Variants in BSN observed in about 807,000 individuals in gnomAD.
The protein encoded by BSN is protein bassoon.
A neutral mutation model predicts 264.8 loss-of-function variants in BSN; 57 were observed. That is an observed-to-expected ratio of 0.22 (90% confidence interval 0.17 to 0.27). The LOEUF is 0.27. Among genes scored for constraint, BSN ranks in the 10% least tolerant of loss-of-function variants. BSN has a pLI of 1.00. For synonymous variants in BSN, 2,059 were observed against 2,137.3 expected (o/e 0.96, Z 1.01); for missense variants, 4,615 against 5,232.5 (o/e 0.88, Z 3.64).
At chr3:49,666,425 C>T (rs2052714406) in intron 11 of BSN, among the ~76,000 whole-genome samples, 2 of 152,264 alleles carry the variant, frequency 1.3e-5, no homozygotes, top group Non-Finnish European at 2.9e-5. Flanking sequence ...GGGGATATGG[C>T]AGAGAACAAA....
In BSN at chr3:49,654,600, C is replaced by G; in HGVS notation, c.5044C>G (p.Gln1682Glu). Reference protein sequence around the residue: ...VKPTPIILTDQGMDLTSLAVE... With the variant: ...VKPTPIILTDEGMDLTSLAVE... ...GCCCACTCCCATCATCCTCACTGACCAGGGCATGGACCTCACCTCTCTTGC... is the reference window on the plus strand; with the variant it reads ...GCCCACTCCCATCATCCTCACTGACGAGGGCATGGACCTCACCTCTCTTGC... The change falls in exon 5 of 12, where the codon CAG (glutamine) becomes GAG (glutamate). Residue 1682 changes from glutamine (Q) to glutamate (E), a missense_variant. By Grantham distance (29) the Gln-to-Glu change is conservative. Around this residue, in one of 3 missense-constraint regions of BSN, gnomAD observed 3,415 missense variants for 3,866.4 expected, o/e 0.88. Transcript: ENST00000296452. The surrounding 1 kb of genome is among the most constrained non-coding windows in gnomAD (Gnocchi z 4.1). The G allele has an allele frequency of 6.2e-7, 1 of 1,613,228 alleles. No homozygotes were observed. Among genetic ancestry groups the G allele is most frequent in the Non-Finnish European group, 8.5e-7 (1 of 1,179,470 alleles).
At chr3:49,673,087 C>CTTTTTTTTT (rs71080543), downstream of BSN, among the ~76,000 whole-genome samples, 510 of 43,172 alleles carry the variant, frequency 0.012, 116 homozygotes, top group African/African-American at 0.038. Flanking sequence ...CCGGCCGGGA[C>CTTTTTTTTT]TTTTTTTTTT....
intron 1 of BSN, among the ~76,000 whole-genome samples, chr3:49,616,805 G>A (rs906471171): frequency 5.9e-5 from 9 of 152,154 alleles, no homozygotes; most frequent in African/African-American, 1.9e-4. Flanking sequence ...CGCTGGCCTC[G>A]TGCCTTTCTG....
At chr3:49,658,340 C>A in intron 5 of BSN, 144 bp downstream of exon 5, 1 of 1,012,250 alleles carries the variant, frequency 9.9e-7, no homozygotes, top group Non-Finnish European at 1.4e-6. Flanking sequence ...TGAGCAGATG[C>A]TCCCTGGTGC....
At chr3:49,671,951 C>A (rs550563499), downstream of BSN, among the ~76,000 whole-genome samples, 1 of 150,744 alleles carries the variant, frequency 6.6e-6, no homozygotes, top group South Asian at 2.1e-4. The surrounding 1 kb of genome is among the most constrained non-coding windows in gnomAD (Gnocchi z 4.1). Flanking sequence ...AAACTCTCAC[C>A]GGCTGCCAGA....
intron 1 of BSN, among the ~76,000 whole-genome samples, chr3:49,594,487 G>T: frequency 6.6e-6 from 1 of 152,208 alleles, no homozygotes; most frequent in Non-Finnish European, 1.5e-5. Flanking sequence ...TAGTATAGCT[G>T]TGTGGATGTA....
In BSN at chr3:49,651,649, C is replaced by T; in HGVS notation, c.2093C>T (p.Thr698Ile). 1 of 1,614,140 alleles carries T rather than the reference C, an allele frequency of 6.2e-7. No homozygotes were observed. Among genetic ancestry groups the T allele is most frequent in the Non-Finnish European group, 8.5e-7 (1 of 1,180,032 alleles). The stretch of plus-strand genomic sequence containing the variant: ...ATCTCTAGCTCCCAGAGTGAGATCA[C>T]AGGAGTCGTGCAGCAGGAGGTGGAA... ...DGISSSQSEI[T>I]GVVQQEVEQL... Residue 698 changes from threonine (T) to isoleucine (I), a missense_variant, in exon 5 of 12, where the codon ACA (threonine) becomes ATA (isoleucine). Around this residue, in one of 3 missense-constraint regions of BSN, gnomAD observed 1,197 missense variants for 1,348.0 expected, o/e 0.89. Transcript: ENST00000296452. The surrounding 1 kb of genome is among the most constrained non-coding windows in gnomAD (Gnocchi z 5.4).
chr3:49,554,848 C>G, intron 1 of BSN, 22 bp downstream of exon 1: 1 of 1,204,512 alleles, frequency 8.3e-7, no homozygotes. Context: ...TCTCGGCGCC[C>G]GGGGGGCGGT....
chr3:49,557,671 G>T (rs1027105030), intron 1 of BSN, among the ~76,000 whole-genome samples: 1 of 150,000 alleles, frequency 6.7e-6, no homozygotes, highest in African/African-American at 2.5e-5. Flanking sequence ...TCCACCTTCT[G>T]GGTTCACGCC....
chr3:49,600,734 G>A (rs541472844), intron 1 of BSN, among the ~76,000 whole-genome samples: 7 of 152,116 alleles, frequency 4.6e-5, no homozygotes, highest in Non-Finnish European at 1.0e-4. Flanking sequence ...AGCCAGGGAG[G>A]TCGAGGCTCT....
intron 2 of BSN, chr3:49,641,609 C>T (rs1339486497): frequency 6.6e-6 from 1 of 152,208 alleles, no homozygotes; most frequent in Non-Finnish European, 1.5e-5. Context: ...TACTTAACAT[C>T]AGTCACTTAC....
chr3:49,565,375 C>T (rs1270342291), intron 1 of BSN, among the ~76,000 whole-genome samples: 2 of 140,852 alleles, frequency 1.4e-5, no homozygotes, highest in African/African-American at 5.4e-5. Context: ...GGCTGGAGTG[C>T]AGTGGTGCGA....
At position 49,657,014 on chromosome 3, in the gene BSN, A is replaced by G; in HGVS notation, c.7458A>G (p.Arg2486=). 1 of 1,610,532 alleles carries G rather than the reference A, an allele frequency of 6.2e-7. No homozygotes were observed. Among genetic ancestry groups the G allele is most frequent in the Non-Finnish European group, 8.5e-7 (1 of 1,177,886 alleles). The change falls in exon 5 of 12, where the codon CGA becomes CGG. Residue 2486 remains arginine, a synonymous_variant. Coordinates refer to ENST00000296452, the MANE Select transcript of BSN (RefSeq NM_003458.4). ...CTGCAGCCTGTGAGGCACCTGGCCG[A>G]GGGCCTCCCCTAGCGGCTGCTGAGT... is the stretch of plus-strand genomic sequence containing the variant. ...PFPAACEAPG[R]GPPLAAAELA...
chr3:49,597,731 C>T (rs968465677), intron 1 of BSN, among the ~76,000 whole-genome samples: 4 of 152,146 alleles, frequency 2.6e-5, no homozygotes, highest in Non-Finnish European at 4.4e-5. Context: ...CAAACTCCGC[C>T]TTCTGGGTTC....
chr3:49,573,248 G>A (rs907890409), intron 1 of BSN, among the ~76,000 whole-genome samples: 1 of 152,180 alleles, frequency 6.6e-6, no homozygotes, highest in African/African-American at 2.4e-5. Flanking sequence ...AGGAGTCAAG[G>A]AAATAGGTAG....
chr3:49,622,386 A>G (rs1249110938), intron 1 of BSN, among the ~76,000 whole-genome samples: 2 of 152,234 alleles, frequency 1.3e-5, no homozygotes, highest in African/African-American at 4.8e-5. Context: ...TGCCAGGAAC[A>G]CTGCCCTTGC....
At position 49,608,996 on chromosome 3, in the gene BSN, C is replaced by T. The variant is rs564825829; in HGVS notation, c.225-15979C>T. On this transcript the variant is annotated intron_variant, in intron 1 of 11. Transcript: ENST00000296452. ...CCTGCATGAGGCCATGAAAAGTCTG[C>T]AGGAAGGCATAGCAGATTTCTGGGA... Among the ~76,000 whole-genome samples the T allele has an allele frequency of 2.0e-5, 3 of 151,608 alleles. No homozygotes were observed. The East Asian group carries it at 5.8e-4, about 29-fold the overall frequency.
chr3:49,574,438 A>C (rs572207284), intron 1 of BSN, among the ~76,000 whole-genome samples: 2 of 151,926 alleles, frequency 1.3e-5, no homozygotes, highest in African/African-American at 4.8e-5. Flanking sequence ...AAGCCTGCAC[A>C]TGGTAGCTTT....
At chr3:49,611,295 G>C (rs1356221934) in intron 1 of BSN, among the ~76,000 whole-genome samples, 2 of 152,226 alleles carry the variant, frequency 1.3e-5, no homozygotes, top group Admixed American at 6.5e-5. Context: ...TGGAACCTGG[G>C]AAAAGCTGGC....
Sources: allele counts gnomAD v4.1 joint callset (sites outside exome capture counted in the v4.1 genomes callset), GRCh38; gene constraint gnomAD v4.1.1; regional missense constraint gnomAD v4.1.1; non-coding constraint Gnocchi (gnomAD v3.1); transcripts MANE v1.5; gene names NCBI Gene and HGNC (gene_info 2026-07-23, HGNC 2026-07-21).